GRM5: variants seen among roughly 807,000 people sequenced by gnomAD.
GRM5 encodes glutamate metabotropic receptor 5.
A neutral mutation model predicts 83.1 loss-of-function variants in GRM5; 19 were observed. That is an observed-to-expected ratio of 0.23 (90% CI 0.16 to 0.34). The LOEUF (loss-of-function observed/expected upper bound fraction) is 0.34, where lower values mean the gene tolerates loss of function less well. GRM5 is among the 10% of genes least tolerant of loss of function. The probability of loss-of-function intolerance (pLI) is 1.00; values close to 1 mark genes in which losing one functional copy is unlikely to be tolerated. For missense variants in GRM5, 1,160 were observed against 1,588.3 expected, an observed-to-expected ratio of 0.73 and a Z score of 4.58; for synonymous variants, 675 against 633.6, an observed-to-expected ratio of 1.07 and a Z score of -0.98.
chr11:88,740,601 C>T (rs1335831742), intron 3 of GRM5, among the ~76,000 whole-genome samples: 1 of 152,032 alleles, frequency 6.6e-6, no homozygotes, highest in African/African-American at 2.4e-5. Flanking sequence ...CACATTACTC[C>T]ACCAGAGTGA....
In GRM5 at chr11:88,909,471, T is replaced by A. The variant is rs1160959760; in HGVS notation, c.662-59316A>T. Among the ~76,000 whole-genome samples, 3 of 151,106 alleles carry A rather than the reference T, an allele frequency of 2.0e-5. No individual in the cohort carries two copies. The East Asian group carries it at 5.8e-4, about 29-fold the overall frequency. On this transcript the variant is annotated intron_variant, in intron 2 of 9. Coordinates refer to ENST00000305447, the MANE Select transcript of GRM5 (RefSeq NM_001143831.3). The stretch of plus-strand genomic sequence containing the variant: ...TTTTTTTCTGAATTTTTGTCTACTT[T>A]TTTTTTTTTCACTCTGAATCTCATG...
intron 2 of GRM5, among the ~76,000 whole-genome samples, chr11:88,995,177 C>T (rs542979225): frequency 1.3e-5 from 2 of 152,084 alleles, no homozygotes; most frequent in East Asian, 3.9e-4. Context: ...ATTATAGCAT[C>T]CACATGTAAC....
At chr11:88,957,139 G>A (rs1347912378) in intron 2 of GRM5, among the ~76,000 whole-genome samples, 1 of 152,250 alleles carries the variant, frequency 6.6e-6, no homozygotes, top group African/African-American at 2.4e-5. Flanking sequence ...AGCCTTCTCA[G>A]AGGAGGATTG....
At chr11:88,748,529 A>T (rs959062504) in intron 3 of GRM5, among the ~76,000 whole-genome samples, 14 of 152,178 alleles carry the variant, frequency 9.2e-5, no homozygotes, top group Admixed American at 7.2e-4. Context: ...GCTGTGGAGA[A>T]CATAAGTGGT....
chr11:88,849,955 T>C lies in GRM5; in HGVS notation c.862A>G (p.Met288Val). The change falls in exon 3 of 10, where the codon ATG becomes GTG. Residue 288 changes from methionine to valine, a missense_variant. Physicochemically the swap from Met to Val is conservative, Grantham distance 21. This residue lies in a region of GRM5 where 84 missense variants were observed against 231.0 expected (regional missense o/e 0.36). Transcript: ENST00000305447. ...GCTAGACCCAGGCGCCTCATGGCCA[T>C]CAGCAGACCTCTCACCGTCATGCCC... ...CEGMTVRGLL[M>V]AMRRLGLAGE... 1 of 1,614,084 alleles carries C rather than the reference T, an allele frequency of 6.2e-7. No individual in the cohort carries two copies. The highest frequency in any genetic ancestry group is 8.5e-7 in the Non-Finnish European group (1 of 1,179,950).
chr11:88,691,148 G>C (rs911706029), intron 3 of GRM5, among the ~76,000 whole-genome samples: 3 of 152,176 alleles, frequency 2.0e-5, no homozygotes, highest in Non-Finnish European at 4.4e-5. Context: ...GAGGAGAGCA[G>C]CACAAAAGGT....
At chr11:88,786,025 C>T (rs1282526821) in intron 3 of GRM5, among the ~76,000 whole-genome samples, 3 of 152,076 alleles carry the variant, frequency 2.0e-5, no homozygotes, top group African/African-American at 7.2e-5. Context: ...GGGAAGCATA[C>T]ATTTTCTGTT....
chr11:88,847,243 A>T (rs2135537129), intron 3 of GRM5, among the ~76,000 whole-genome samples: 1 of 152,326 alleles, frequency 6.6e-6, no homozygotes, highest in African/African-American at 2.4e-5. Context: ...TTTTCATAAC[A>T]CTTATATGAC....
intron 3 of GRM5, among the ~76,000 whole-genome samples, chr11:88,762,737 A>G (rs1942549005): frequency 6.6e-6 from 1 of 151,286 alleles, no homozygotes; most frequent in African/African-American, 2.4e-5. Context: ...CATATAAGTT[A>G]TTCATAATAG....
rs575570959 is a variant in GRM5 at position 89,038,388 on chromosome 11, AT to A, written c.661+8823del. Among the ~76,000 whole-genome samples the A allele has an allele frequency of 9.8e-5, 15 of 152,358 alleles. No individual in the cohort carries two copies. In the East Asian group the frequency reaches 2.9e-3, roughly 29 times the overall value. On this transcript the variant is annotated intron_variant, in intron 2 of 9. Coordinates refer to ENST00000305447, the MANE Select transcript of GRM5 (RefSeq NM_001143831.3). ...TGAATTCCAAAGAATTGCCTTTCAT[AT>A]ATAAGGCTACATTATTTAACAATAT... is the stretch of plus-strand genomic sequence containing the variant.
chr11:88,675,092 C>G (rs1940291993), intron 3 of GRM5, among the ~76,000 whole-genome samples: 1 of 151,836 alleles, frequency 6.6e-6, no homozygotes, highest in Non-Finnish European at 1.5e-5. Context: ...TTTCATTTTC[C>G]TATATTCTGG....
At chr11:88,912,779 C>T (rs1945520695) in intron 2 of GRM5, among the ~76,000 whole-genome samples, 1 of 152,070 alleles carries the variant, frequency 6.6e-6, no homozygotes, top group Non-Finnish European at 1.5e-5. Context: ...AACAAACAAA[C>T]AAAAGCACTT....
chr11:89,021,074 A>G (rs1565338736), intron 2 of GRM5, among the ~76,000 whole-genome samples: 1 of 152,186 alleles, frequency 6.6e-6, no homozygotes, highest in Non-Finnish European at 1.5e-5. Flanking sequence ...TTATCTTTAC[A>G]CAACTTCATT....
chr11:88,787,504 T>C (rs1260188732), intron 3 of GRM5, among the ~76,000 whole-genome samples: 3 of 152,040 alleles, frequency 2.0e-5, no homozygotes, highest in East Asian at 1.9e-4. Flanking sequence ...ATTGGGGAAA[T>C]GGCATGATTT....
intron 3 of GRM5, among the ~76,000 whole-genome samples, chr11:88,668,848 T>G (rs1461691606): frequency 6.6e-6 from 1 of 152,196 alleles, no homozygotes; most frequent in Non-Finnish European, 1.5e-5. Flanking sequence ...ATTCAGTTTA[T>G]GCTTTTATCA....
intron 3 of GRM5, among the ~76,000 whole-genome samples, chr11:88,820,884 C>A (rs1236412186): frequency 6.6e-6 from 1 of 152,060 alleles, no homozygotes; most frequent in Non-Finnish European, 1.5e-5. Context: ...TTTGCATAAG[C>A]GAACAAAAGC....
intron 3 of GRM5, among the ~76,000 whole-genome samples, chr11:88,786,465 C>A (rs1035491031): frequency 1.3e-5 from 2 of 152,102 alleles, no homozygotes; most frequent in Non-Finnish European, 2.9e-5. Flanking sequence ...CTTACATTAA[C>A]CAATCTACTC....
chr11:88,691,017 G>T (rs1940768398), intron 3 of GRM5, among the ~76,000 whole-genome samples: 1 of 152,158 alleles, frequency 6.6e-6, no homozygotes, highest in Non-Finnish European at 1.5e-5. Flanking sequence ...AAAGCACAAA[G>T]AGGCTCCCTG....
At chr11:88,750,892 T>C (rs980008793) in intron 3 of GRM5, among the ~76,000 whole-genome samples, 1 of 151,330 alleles carries the variant, frequency 6.6e-6, no homozygotes, top group African/African-American at 2.4e-5. Context: ...TAAAGAGGCA[T>C]CTCTGGGATG....
Sources: gnomAD v4.1 joint callset for allele counts (sites outside exome capture counted in the v4.1 genomes callset) on GRCh38, gnomAD v4.1.1 for gene constraint, gnomAD v4.1.1 regional missense constraint, MANE v1.5 for transcripts, NCBI Gene and HGNC (gene_info 2026-07-23, HGNC 2026-07-21) for gene names.